CSMD1: variants seen among roughly 807,000 people sequenced by gnomAD.
CSMD1 encodes CUB and sushi domain-containing protein 1.
CSMD1 carries 213 observed loss-of-function variants against 417.5 expected under a neutral mutation model. That is an observed-to-expected ratio of 0.51 (90% CI 0.46 to 0.57). CSMD1 has a LOEUF of 0.57. CSMD1 is among the 20% of genes least tolerant of loss of function. The probability of loss-of-function intolerance (pLI) is 0.00; values close to 1 mark genes in which losing one functional copy is unlikely to be tolerated. For missense variants in CSMD1, 6,923 were observed against 4,529.7 expected, an observed-to-expected ratio of 1.53 and a Z score of -15.17; for synonymous variants, 2,862 against 1,736.8, an observed-to-expected ratio of 1.65 and a Z score of -16.11.
At chr8:4,019,886 C>G (rs1374855957) in intron 4 of CSMD1, among the ~76,000 whole-genome samples, 1 of 145,534 alleles carries the variant, frequency 6.9e-6, no homozygotes, top group Non-Finnish European at 1.5e-5. Flanking sequence ...CTGCTAGTTT[C>G]TTATTCTAAA....
At chr8:4,446,656 C>G (rs1038132590) in intron 2 of CSMD1, among the ~76,000 whole-genome samples, 5 of 152,002 alleles carry the variant, frequency 3.3e-5, no homozygotes, top group South Asian at 2.1e-4. Flanking sequence ...TAGATTTGAG[C>G]CATTCTCTGT....
chr8:4,597,653 A>G (rs1371785090), intron 2 of CSMD1, among the ~76,000 whole-genome samples: 1 of 152,230 alleles, frequency 6.6e-6, no homozygotes, highest in Non-Finnish European at 1.5e-5. Context: ...GTAGCATACT[A>G]TAACACAATC....
intron 3 of CSMD1, among the ~76,000 whole-genome samples, chr8:4,219,452 A>C (rs1372210987): frequency 2.0e-5 from 3 of 151,838 alleles, no homozygotes; most frequent in Admixed American, 1.3e-4. Context: ...TCATACCCGA[A>C]CCTCTCTCTT....
rs865824715 is a variant in CSMD1 at position 4,385,979 on chromosome 8, A to T, written c.415+33974T>A. On this transcript the variant is annotated intron_variant, in intron 3 of 69. Coordinates refer to ENST00000635120, the MANE Select transcript of CSMD1 (RefSeq NM_033225.6). Reference sequence around the variant, plus strand: ...CCCAGAGCATCAGCATCTTTCCTTTAAGTTCATTTCCTCTGTTTCATTTTA... The same window carrying T: ...CCCAGAGCATCAGCATCTTTCCTTTTAGTTCATTTCCTCTGTTTCATTTTA... Among the ~76,000 whole-genome samples the T allele has an allele frequency of 3.3e-5, 5 of 151,562 alleles. No individual in the cohort carries two copies. In the Middle Eastern group the frequency reaches 0.017, roughly 516 times the overall value.
At chr8:4,652,155 C>T (rs1332409796) in intron 1 of CSMD1, among the ~76,000 whole-genome samples, 1 of 152,082 alleles carries the variant, frequency 6.6e-6, no homozygotes, top group African/African-American at 2.4e-5. Flanking sequence ...GCAATAAATT[C>T]TATTCCCAAT....
At chr8:4,859,235 C>A (rs1016787207) in intron 1 of CSMD1, among the ~76,000 whole-genome samples, 1 of 151,832 alleles carries the variant, frequency 6.6e-6, no homozygotes, top group Non-Finnish European at 1.5e-5. Flanking sequence ...GAAACTGGAT[C>A]CCTTCCTTAC....
intron 10 of CSMD1, among the ~76,000 whole-genome samples, chr8:3,515,794 T>A (rs897458140): frequency 9.9e-5 from 15 of 152,224 alleles, no homozygotes; most frequent in African/African-American, 3.6e-4. Flanking sequence ...GTAGGAAGTG[T>A]CAGTCATGAC....
chr8:4,108,569 A>G (rs4377981), intron 3 of CSMD1, among the ~76,000 whole-genome samples: 150,869 of 152,300 alleles, frequency 0.99, 74,744 homozygotes, highest in East Asian at 1. Flanking sequence ...ATCCACTGAT[A>G]TGCCATCCCT....
chr8:3,719,632 G>C (rs552545512), intron 6 of CSMD1, among the ~76,000 whole-genome samples: 33 of 152,308 alleles, frequency 2.2e-4, no homozygotes, highest in African/African-American at 7.9e-4. Context: ...ACAGAGGAAA[G>C]TGCACTCTGG....
At chr8:4,238,811 T>C (rs1207854901) in intron 3 of CSMD1, among the ~76,000 whole-genome samples, 1 of 152,196 alleles carries the variant, frequency 6.6e-6, no homozygotes, top group Non-Finnish European at 1.5e-5. Flanking sequence ...TTGTAAATGC[T>C]TTGGCCCACA....
At chr8:3,566,845 T>C (rs1254012284) in intron 10 of CSMD1, among the ~76,000 whole-genome samples, 1 of 152,180 alleles carries the variant, frequency 6.6e-6, no homozygotes, top group African/African-American at 2.4e-5. Flanking sequence ...GTAAACTAGG[T>C]TAACCTTTGT....
At chr8:4,956,312 A>G (rs1809107751) in intron 1 of CSMD1, among the ~76,000 whole-genome samples, 1 of 151,856 alleles carries the variant, frequency 6.6e-6, no homozygotes, top group African/African-American at 2.4e-5. Flanking sequence ...TTAATAGCAT[A>G]TGAATAATAA....
chr8:3,107,703 T>C lies in CSMD1; in HGVS notation c.6835+15A>G. On this transcript the variant is annotated intron_variant, in intron 45 of 69. Transcript: ENST00000635120. Reference sequence around the variant, plus strand: ...TCGTGCTGAATTCATGGTATTGTAATGAAGAAAGTATTACCTATTTCGAAA... The same window carrying C: ...TCGTGCTGAATTCATGGTATTGTAACGAAGAAAGTATTACCTATTTCGAAA... The C allele has an allele frequency of 1.4e-6, 2 of 1,463,630 alleles. No homozygotes were observed. The highest frequency in any genetic ancestry group is 1.4e-5 in the African/African-American group (1 of 71,084). The allele number at this position is 1,463,630 out of a possible 1,614,324, so 90.7% of individuals were successfully genotyped here.
chr8:4,432,581 T>C (rs1389841438), intron 2 of CSMD1, among the ~76,000 whole-genome samples: 1 of 152,138 alleles, frequency 6.6e-6, no homozygotes, highest in Non-Finnish European at 1.5e-5. Context: ...AGACAGGCAG[T>C]AAAGCTCACT....
chr8:4,503,734 G>A (rs1373203381), intron 2 of CSMD1, among the ~76,000 whole-genome samples: 1 of 152,096 alleles, frequency 6.6e-6, no homozygotes, highest in Non-Finnish European at 1.5e-5. Flanking sequence ...GGACAGAAAT[G>A]GGGAGATTCG....
intron 28 of CSMD1, among the ~76,000 whole-genome samples, chr8:3,221,254 C>T (rs962665881): frequency 1.3e-5 from 2 of 152,080 alleles, no homozygotes; most frequent in Admixed American, 6.6e-5. Context: ...CCTGAATATA[C>T]TTATTAAAGG....
intron 2 of CSMD1, among the ~76,000 whole-genome samples, chr8:4,421,169 C>G (rs910444046): frequency 2.6e-5 from 4 of 152,138 alleles, no homozygotes; most frequent in Non-Finnish European, 4.4e-5. Flanking sequence ...CCAGAAGACA[C>G]TGCTTTGTAC....
intron 3 of CSMD1, among the ~76,000 whole-genome samples, chr8:4,386,752 A>G (rs1467386049): frequency 1.3e-5 from 2 of 152,176 alleles, no homozygotes; most frequent in African/African-American, 4.8e-5. Context: ...GATGACTTTA[A>G]TTAGGGGTAG....
At position 3,400,927 on chromosome 8, in the gene CSMD1, CTTGA is replaced by C. The variant is rs1812002073; in HGVS notation, c.2267-1402_2267-1399del. Among the ~76,000 whole-genome samples the C allele has an allele frequency of 2.1e-5, 3 of 141,166 alleles. No individual in the cohort carries two copies. In the South Asian group the frequency reaches 6.9e-4, roughly 33 times the overall value. The allele number at this position is 141,166 out of a possible 152,430, so 92.6% of individuals were successfully genotyped here. On this transcript the variant is annotated intron_variant, in intron 15 of 69. Transcript: ENST00000635120. ...TATTAACTTGAGCTCCTGAAGAACACTTGATTTTTTGTGATAATTTTTAAAACAA... is the reference window on the plus strand; with the variant it reads ...TATTAACTTGAGCTCCTGAAGAACACTTTTTTGTGATAATTTTTAAAACAA...
Sources: allele counts gnomAD v4.1 joint callset (sites outside exome capture counted in the v4.1 genomes callset), GRCh38; gene constraint gnomAD v4.1.1; transcripts MANE v1.5; gene names NCBI Gene and HGNC (gene_info 2026-07-23, HGNC 2026-07-21).